Variants in AKNA observed in about 807,000 individuals in gnomAD.
AKNA encodes AT-hook transcription factor, also known as microtubule organization protein AKNA.
AKNA carries 67 observed loss-of-function variants against 138.8 expected under a neutral mutation model. The ratio of observed to expected loss-of-function variants is 0.48; its 90% CI spans 0.40 to 0.59. The LOEUF (loss-of-function observed/expected upper bound fraction) is 0.59, where lower values mean the gene tolerates loss of function less well. AKNA is among the 20% of genes least tolerant of loss of function. The pLI is 0.00. For missense variants in AKNA, 1,813 were observed against 1,880.4 expected (o/e 0.96, Z 0.66); for synonymous variants, 737 against 754.4 (o/e 0.98, Z 0.38).
upstream of AKNA, chr9:114,394,491 AC>A (rs1217313752): frequency 6.6e-6 from 1 of 151,926 alleles, no homozygotes; most frequent in East Asian, 1.9e-4. Context: ...TAACCCCCAC[AC>A]CTTCTCCTCC....
At chr9:114,372,647 G>A (rs553880638) in intron 4 of AKNA, among the ~76,000 whole-genome samples, 9 of 152,286 alleles carry the variant, frequency 5.9e-5, no homozygotes, top group African/African-American at 1.9e-4. Context: ...GGGAGCCCCA[G>A]TTTCCCAATC....
chr9:114,355,783 C>T, intron 14 of AKNA, 142 bp downstream of exon 14: 7 of 904,820 alleles, frequency 7.7e-6, no homozygotes, highest in South Asian at 1.8e-5. Flanking sequence ...TTCTTTTGTT[C>T]CCTTTTGTCC....
Position 114,358,049 on chromosome 9 carries a change from G to C in AKNA, c.2611C>G (p.Pro871Ala), listed in dbSNP as rs374836310. ...GACTTGGTGCCTGGAGGGTGGGGTG[G>C]CACGCCAGGGCCTGGAGGGGCTGCC... is the stretch of plus-strand genomic sequence containing the variant. ...AEAAPPGPGV[P>A]PHPPGTKSAA... Residue 871 changes from proline (P) to alanine (A), a missense_variant, in exon 12 of 22, where the codon CCA becomes GCA. Pro to Ala is a conservative substitution (Grantham distance 27, BLOSUM62 -1). Coordinates refer to ENST00000374088, the MANE Select transcript of AKNA (RefSeq NM_001317950.2). The C allele has an allele frequency of 3.7e-6, 6 of 1,611,120 alleles. No individual in the cohort carries two copies. Among genetic ancestry groups the C allele is most frequent in the Admixed American group, 1.7e-5 (1 of 59,734 alleles).
intron 11 of AKNA, 135 bp from the exon 12 acceptor site, chr9:114,358,302 G>T: frequency 8.0e-7 from 1 of 1,255,696 alleles, no homozygotes; most frequent in Non-Finnish European, 1.1e-6. Context: ...GCCTGGTTCT[G>T]CCACCTTCTA....
intron 13 of AKNA, among the ~76,000 whole-genome samples, chr9:114,356,431 G>A (rs187062473): frequency 4.7e-4 from 72 of 152,166 alleles, no homozygotes; most frequent in African/African-American, 1.7e-3. Context: ...GTTGCCATGT[G>A]GGCCTCCTGA....
At chr9:114,360,736 A>G (rs958899042) in intron 9 of AKNA, among the ~76,000 whole-genome samples, 1 of 152,144 alleles carries the variant, frequency 6.6e-6, no homozygotes, top group Non-Finnish European at 1.5e-5. Context: ...TTTGCAGCAC[A>G]GGCAACAGGA....
intron 6 of AKNA, among the ~76,000 whole-genome samples, chr9:114,366,633 G>A (rs1832379751): frequency 6.7e-6 from 1 of 149,402 alleles, no homozygotes; most frequent in Non-Finnish European, 1.5e-5. Flanking sequence ...CGCATGGTAT[G>A]TGAATTATAT....
intron 4 of AKNA, among the ~76,000 whole-genome samples, chr9:114,370,039 T>C (rs1832656780): frequency 6.6e-6 from 1 of 152,216 alleles, no homozygotes; most frequent in South Asian, 2.1e-4. Flanking sequence ...GGGGTTATCT[T>C]AACTGCCCCC....
intron 12 of AKNA, among the ~76,000 whole-genome samples, chr9:114,357,177 C>T (rs534668807): frequency 1.3e-5 from 2 of 152,218 alleles, no homozygotes; most frequent in African/African-American, 4.8e-5. Context: ...ACTCTGCACC[C>T]CAGGAGGACC....
intron 14 of AKNA, among the ~76,000 whole-genome samples, chr9:114,354,318 T>A (rs7858478): frequency 6.6e-6 from 1 of 151,956 alleles, no homozygotes; most frequent in Non-Finnish European, 1.5e-5. Context: ...GTCTTCTACC[T>A]CCACATCTTG....
chr9:114,365,127 T>C (rs766623836), intron 6 of AKNA, among the ~76,000 whole-genome samples: 13 of 152,218 alleles, frequency 8.5e-5, no homozygotes, highest in Admixed American at 6.5e-5. Context: ...TTATATACGA[T>C]ATACTATCTC....
intron 17 of AKNA, among the ~76,000 whole-genome samples, chr9:114,346,236 A>ATG (rs1291417940): frequency 6.6e-6 from 1 of 152,170 alleles, no homozygotes. Flanking sequence ...CAATCCCACG[A>ATG]TGTGGACACT....
intron 3 of AKNA, 80 bp from the exon 4 acceptor site, chr9:114,374,247 C>T: frequency 7.3e-7 from 1 of 1,368,568 alleles, no homozygotes; most frequent in Non-Finnish European, 1.0e-6. Context: ...TGATAGCAAA[C>T]CCCCTTCCAT....
In AKNA at chr9:114,347,766, C is replaced by T. The variant is rs3748178; in HGVS notation, c.3356G>A (p.Arg1119Gln). Residue 1119 changes from arginine to glutamine, a missense_variant, in exon 16 of 22, where the codon CGG becomes CAG. Arg to Gln is a conservative substitution (Grantham distance 43, BLOSUM62 1). Transcript: ENST00000374088. ...CCAGGTGGCTGGGGAGTCTGCTGGCCGGCCGCGGGTCCGGGCGGGGCGGTC... is the reference window on the plus strand; with the variant it reads ...CCAGGTGGCTGGGGAGTCTGCTGGCTGGCCGCGGGTCCGGGCGGGGCGGTC... ...AFDRPARTRG[R>Q]PADSPATWGS... The T allele has an allele frequency of 0.22, 338,144 of 1,541,016 alleles. 41,221 individuals carry two copies. Among genetic ancestry groups the T allele is most frequent in the Middle Eastern group, 0.26 (1,489 of 5,718 alleles).
intron 5 of AKNA, 83 bp downstream of exon 5, chr9:114,368,356 C>G (rs1832522876): frequency 4.6e-6 from 6 of 1,293,772 alleles, no homozygotes; most frequent in Non-Finnish European, 5.9e-6. Flanking sequence ...CCAGCGCCAT[C>G]CCCAGGGTGA....
chr9:114,339,897 G>A (rs1020089778), intron 21 of AKNA, among the ~76,000 whole-genome samples: 1 of 152,168 alleles, frequency 6.6e-6, no homozygotes, highest in African/African-American at 2.4e-5. Context: ...AGGAGGTCAA[G>A]ACCAGCCTGG....
In AKNA at chr9:114,359,493, T is replaced by G; in HGVS notation, c.2492+101A>C. The G allele has an allele frequency of 3.1e-6, 5 of 1,592,822 alleles. No homozygotes were observed. In the South Asian group the frequency reaches 3.4e-5, roughly 11 times the overall value. On this transcript the variant is annotated intron_variant, in intron 11 of 21. Transcript: ENST00000374088. ...TTGAAGAGGCAGGACAGGTAAGCCA[T>G]GTCTAAACTGTGAAGCGCTGTCTTA...
intron 1 of AKNA, among the ~76,000 whole-genome samples, chr9:114,385,169 A>C (rs1263917760): frequency 1.3e-5 from 2 of 152,166 alleles, no homozygotes; most frequent in East Asian, 3.8e-4. Flanking sequence ...CTATATTTTA[A>C]ATAGAAGCTC....
downstream of AKNA, chr9:114,331,524 T>C (rs1021943905): frequency 6.6e-7 from 1 of 1,505,702 alleles, no homozygotes; most frequent in Non-Finnish European, 9.2e-7. Flanking sequence ...GGCACCATTG[T>C]GCCATCCCAT....
Sources: allele counts gnomAD v4.1 joint callset (sites outside exome capture counted in the v4.1 genomes callset), GRCh38; gene constraint gnomAD v4.1.1; transcripts MANE v1.5; gene names NCBI Gene and HGNC (gene_info 2026-07-23, HGNC 2026-07-21).